Variants in SLC35F3 observed in about 807,000 individuals in gnomAD.
The protein encoded by SLC35F3 is putative thiamine transporter SLC35F3.
A neutral mutation model predicts 49.9 loss-of-function variants in SLC35F3; 25 were observed. The ratio of observed to expected loss-of-function variants is 0.50; its 90% confidence interval spans 0.37 to 0.70. The LOEUF (loss-of-function observed/expected upper bound fraction) is 0.70. SLC35F3 is among the 30% of genes least tolerant of loss of function. The pLI is 0.00. For synonymous variants in SLC35F3, 275 were observed against 265.4 expected, an observed-to-expected ratio of 1.04 and a Z score of -0.35; for missense variants, 525 against 639.8, an observed-to-expected ratio of 0.82 and a Z score of 1.94.
chr1:233,915,553 T>A lies in SLC35F3; in HGVS notation c.283+9795T>A, dbSNP rs190091508. Reference sequence around the variant, plus strand: ...TGATAGAGCAAATTCTTGTTTTTTTTTAAAAAAGTCCCTTGTTTCTAAAAG... The same window carrying A: ...TGATAGAGCAAATTCTTGTTTTTTTATAAAAAAGTCCCTTGTTTCTAAAAG... On this transcript the variant is annotated intron_variant, in intron 2 of 7. Coordinates refer to ENST00000366618, the MANE Select transcript of SLC35F3 (RefSeq NM_173508.4). Among the ~76,000 whole-genome samples the A allele has an allele frequency of 1.2e-3, 190 of 152,156 alleles. 1 individual carries two copies. Among genetic ancestry groups the A allele is most frequent in the African/African-American group, 4.3e-3 (179 of 41,528 alleles).
intron 2 of SLC35F3, among the ~76,000 whole-genome samples, chr1:233,974,546 C>T (rs1427329443): frequency 1.3e-5 from 2 of 152,146 alleles, no homozygotes; most frequent in Non-Finnish European, 2.9e-5. Context: ...GTTCTTCCTC[C>T]TTGAGCAAAG....
chr1:234,263,929 T>C (rs1667943229), intron 3 of SLC35F3, among the ~76,000 whole-genome samples: 1 of 152,224 alleles, frequency 6.6e-6, no homozygotes, highest in South Asian at 2.1e-4. Flanking sequence ...GCCAACATGG[T>C]GAAGCCCTGT....
chr1:234,050,855 T>C (rs903156723), intron 2 of SLC35F3, among the ~76,000 whole-genome samples: 1 of 152,256 alleles, frequency 6.6e-6, no homozygotes, highest in Non-Finnish European at 1.5e-5. Flanking sequence ...TTTCTACATA[T>C]GGCTAGCCAG....
chr1:234,202,353 A>G (rs145596698), intron 2 of SLC35F3, among the ~76,000 whole-genome samples: 1 of 152,214 alleles, frequency 6.6e-6, no homozygotes, highest in Non-Finnish European at 1.5e-5. Flanking sequence ...AAAGAAAAAA[A>G]GTTGAGAGAC....
intron 2 of SLC35F3, among the ~76,000 whole-genome samples, chr1:234,192,060 C>G (rs1233878273): frequency 6.6e-6 from 1 of 152,074 alleles, no homozygotes; most frequent in African/African-American, 2.4e-5. Context: ...CCTATTAACA[C>G]TATTCCACAA....
intron 2 of SLC35F3, among the ~76,000 whole-genome samples, chr1:233,986,153 C>T (rs953667634): frequency 2.0e-5 from 3 of 152,166 alleles, no homozygotes; most frequent in African/African-American, 7.2e-5. Flanking sequence ...AATATATATG[C>T]AGTAATGTTA....
intron 3 of SLC35F3, among the ~76,000 whole-genome samples, chr1:234,242,351 T>TCC (rs1440861908): frequency 6.6e-6 from 1 of 152,004 alleles, no homozygotes. Flanking sequence ...ACAAGGAGGG[T>TCC]CCCTAGGAAA....
intron 2 of SLC35F3, among the ~76,000 whole-genome samples, chr1:234,154,619 C>CA (rs1666124298): frequency 6.6e-6 from 1 of 152,130 alleles, no homozygotes; most frequent in South Asian, 2.1e-4. Context: ...TGATGTCTGG[C>CA]ATTCTCCTTC....
At chr1:234,223,037 G>A (rs1667233619) in intron 2 of SLC35F3, among the ~76,000 whole-genome samples, 1 of 152,136 alleles carries the variant, frequency 6.6e-6, no homozygotes, top group South Asian at 2.1e-4. Flanking sequence ...AAAACATAGC[G>A]CTCTGCTTCC....
chr1:234,053,759 T>C (rs962219986), intron 2 of SLC35F3, among the ~76,000 whole-genome samples: 1 of 152,226 alleles, frequency 6.6e-6, no homozygotes, highest in Non-Finnish European at 1.5e-5. Context: ...CAATTTGGCA[T>C]GTTTTTGCAG....
chr1:233,972,638 G>A (rs1663014028), intron 2 of SLC35F3, among the ~76,000 whole-genome samples: 1 of 151,342 alleles, frequency 6.6e-6, no homozygotes, highest in Admixed American at 6.6e-5. Context: ...GGTAAATCAT[G>A]GTTATTATCA....
intron 2 of SLC35F3, among the ~76,000 whole-genome samples, chr1:233,992,835 G>C (rs979082246): frequency 6.6e-6 from 1 of 152,112 alleles, no homozygotes; most frequent in African/African-American, 2.4e-5. Flanking sequence ...CATCTGGAGT[G>C]AGATGTGAAG....
intron 2 of SLC35F3, among the ~76,000 whole-genome samples, chr1:234,095,028 G>C (rs1164836135): frequency 6.6e-6 from 1 of 152,192 alleles, no homozygotes; most frequent in Non-Finnish European, 1.5e-5. Context: ...CGCTGGCAGG[G>C]GGGTTTATCT....
At chr1:234,045,699 G>A (rs10910331) in intron 2 of SLC35F3, among the ~76,000 whole-genome samples, 16,193 of 150,794 alleles carry the variant, frequency 0.11, 1,343 homozygotes, top group East Asian at 0.26. Flanking sequence ...ATTGTGCCAC[G>A]TTCATTTTAA....
At chr1:234,181,338 GA>G (rs34757532) in intron 2 of SLC35F3, among the ~76,000 whole-genome samples, 66,681 of 97,372 alleles carry the variant, frequency 0.68, 21,329 homozygotes, top group Middle Eastern at 0.81. Flanking sequence ...TCTGTCTCAA[GA>G]AAAAAAAAAA....
chr1:234,174,900 C>T (rs1226845234), intron 2 of SLC35F3, among the ~76,000 whole-genome samples: 1 of 152,150 alleles, frequency 6.6e-6, no homozygotes, highest in East Asian at 1.9e-4. Flanking sequence ...GAATGTTAGG[C>T]AGGGAATGAA....
chr1:233,948,036 T>A (rs28377780), intron 2 of SLC35F3, among the ~76,000 whole-genome samples: 15,033 of 142,464 alleles, frequency 0.11, 821 homozygotes, highest in African/African-American at 0.15. Context: ...AAAAATTATT[T>A]AAAAAAAAAA....
intron 2 of SLC35F3, among the ~76,000 whole-genome samples, chr1:233,999,250 C>G (rs1355494522): frequency 6.6e-6 from 1 of 152,102 alleles, no homozygotes; most frequent in Non-Finnish European, 1.5e-5. Context: ...AATATAAACT[C>G]CAGGATATTT....
intron 2 of SLC35F3, among the ~76,000 whole-genome samples, chr1:234,224,759 T>C (rs1667260952): frequency 6.6e-6 from 1 of 152,184 alleles, no homozygotes; most frequent in Non-Finnish European, 1.5e-5. Context: ...ATATTAACTC[T>C]CAGAACCTCA....
Sources: gnomAD v4.1 joint callset for allele counts (sites outside exome capture counted in the v4.1 genomes callset) on GRCh38, gnomAD v4.1.1 for gene constraint, MANE v1.5 for transcripts, NCBI Gene and HGNC (gene_info 2026-07-23, HGNC 2026-07-21) for gene names.